The following PEX10 variants were observed in gnomAD, a reference collection of about 807,000 sequenced individuals.
PEX10 encodes peroxisomal biogenesis factor 10.
PEX10 carries 32 observed loss-of-function variants against 38.0 expected under a neutral mutation model. The ratio of observed to expected loss-of-function variants is 0.84; its 90% CI spans 0.63 to 1.13. PEX10 has a LOEUF of 1.13. Among genes scored for constraint, PEX10 ranks in the 50% most tolerant of loss-of-function variants. The pLI is 0.00. For synonymous variants in PEX10, 206 were observed against 207.3 expected (o/e 0.99, Z 0.05); for missense variants, 483 against 457.7 (o/e 1.06, Z -0.51).
rs1008513977 is a variant in PEX10, at chr1:2,405,677, C to T, written c.*89G>A. The T allele has an allele frequency of 1.7e-6, 2 of 1,173,956 alleles. No individual in the cohort carries two copies. The highest frequency in any genetic ancestry group is 2.5e-6 in the Non-Finnish European group (2 of 805,842). 72.7% of individuals were successfully genotyped at this position (1,173,956 alleles called of 1,614,324 possible). On this transcript the variant is annotated 3_prime_UTR_variant, in exon 6 of 6. Coordinates refer to ENST00000447513, the MANE Select transcript of PEX10 (RefSeq NM_002617.4). The stretch of plus-strand genomic sequence containing the variant: ...CAAAAAACTGAGAGTGTTCTAACTT[C>T]TGTGCAAGCAAGGTTAATCCTGAGA...
intron 5 of PEX10, among the ~76,000 whole-genome samples, chr1:2,406,266 T>C (rs1303262289): frequency 6.6e-6 from 1 of 152,194 alleles, no homozygotes; most frequent in Admixed American, 6.5e-5. Flanking sequence ...TACCCCAACC[T>C]GCATTCGGCA....
rs77098501 is a variant in PEX10, at chr1:2,411,534, CT to C, written c.112+856del. 8.2e-5 allele frequency among the ~76,000 whole-genome samples: 12 copies of C among 146,320 alleles called. No individual in the cohort carries two copies. In the South Asian group the frequency reaches 8.7e-4, roughly 11 times the overall value. ...AGGCGTGAGCCACCACACCCGGCATCTTTTTTTTTTCGTTTTTTAATCGGTG... is the reference window on the plus strand; with the variant it reads ...AGGCGTGAGCCACCACACCCGGCATCTTTTTTTTTCGTTTTTTAATCGGTG... On this transcript the variant is annotated intron_variant, in intron 1 of 5. Transcript: ENST00000447513.
chr1:2,410,725 G>C lies in PEX10; in HGVS notation c.113-274C>G, dbSNP rs776183397. Reference sequence around the variant, plus strand: ...TGAGCAACTGTTCTAGGGCCTATGAGGGCCACATGGAAAGATGGTCTGGGG... The same window carrying C: ...TGAGCAACTGTTCTAGGGCCTATGACGGCCACATGGAAAGATGGTCTGGGG... On this transcript the variant is annotated intron_variant, in intron 1 of 5. Coordinates refer to ENST00000447513, the MANE Select transcript of PEX10 (RefSeq NM_002617.4). The surrounding 1 kb of genome is among the most constrained non-coding windows in gnomAD (Gnocchi z 5.1). 3 of 550,662 alleles carry C rather than the reference G, an allele frequency of 5.4e-6. No individual in the cohort carries two copies. Among genetic ancestry groups the C allele is most frequent in the South Asian group, 4.6e-5 (3 of 65,394 alleles). 34.1% of individuals were successfully genotyped at this position (550,662 alleles called of 1,614,324 possible).
Position 2,406,785 on chromosome 1 carries a change from G to A in PEX10, c.711C>T (p.Tyr237=), listed in dbSNP as rs761005209. The change falls in exon 4 of 6, where the codon TAC becomes TAT. Residue 237 remains tyrosine, a synonymous_variant. Transcript: ENST00000447513. ...HLVLSMGLQL[Y]GFRQRQRARK... is the part of the protein sequence containing the mutation. The stretch of plus-strand genomic sequence containing the variant: ...TGGCTCGCTGCCGCTGCCTGAAACC[G>A]TACAGCTGCAGCCCCATGGACAGCA... 44 of 1,610,332 alleles carry A rather than the reference G, an allele frequency of 2.7e-5. No individual in the cohort carries two copies. Among genetic ancestry groups the A allele is most frequent in the Middle Eastern group, 1.6e-4 (1 of 6,078 alleles).
chr1:2,412,748 G>A (rs949231886), upstream of PEX10, among the ~76,000 whole-genome samples: 1 of 151,446 alleles, frequency 6.6e-6, no homozygotes, highest in Non-Finnish European at 1.5e-5. Flanking sequence ...GCGGAGCGGA[G>A]CGGGGCGGGG....
At position 2,410,661 on chromosome 1, in the gene PEX10, A is replaced by G; in HGVS notation, c.113-210T>C. On this transcript the variant is annotated intron_variant, in intron 1 of 5. Coordinates refer to ENST00000447513, the MANE Select transcript of PEX10 (RefSeq NM_002617.4). The surrounding 1 kb of genome is among the most constrained non-coding windows in gnomAD (Gnocchi z 5.1). Reference sequence around the variant, plus strand: ...GTGAGCTGCAGACAGTCTGCGAAGAATCTCCCACCTGTGCTCATCTCTTGC... The same window carrying G: ...GTGAGCTGCAGACAGTCTGCGAAGAGTCTCCCACCTGTGCTCATCTCTTGC... 4 of 624,758 alleles carry G rather than the reference A, an allele frequency of 6.4e-6. No homozygotes were observed. Among genetic ancestry groups the G allele is most frequent in the South Asian group, 1.5e-5 (1 of 64,974 alleles). 38.7% of individuals were successfully genotyped at this position (624,758 alleles called of 1,614,324 possible).
chr1:2,408,714 AG>A lies in PEX10; in HGVS notation c.337del (p.Leu113TrpfsTer40), dbSNP rs724159999. ...GGGGTCAGCCTGCAGCTCCTGCTCCAGGGGGAGCAGGGCCTTGTCCAGCAGG... is the reference window on the plus strand; with the variant it reads ...GGGGTCAGCCTGCAGCTCCTGCTCCAGGGGAGCAGGGCCTTGTCCAGCAGG... ...PYLLDKALLP[L>X]EQELQADPDS... is the part of the protein sequence containing the mutation. On this transcript the variant is annotated frameshift_variant, in exon 3 of 6. Coordinates refer to ENST00000447513, the MANE Select transcript of PEX10 (RefSeq NM_002617.4). LOFTEE classifies it high-confidence loss of function. 1.2e-6 allele frequency: 2 copies of A among 1,613,634 alleles called. No individual in the cohort carries two copies. Among genetic ancestry groups the A allele is most frequent in the Non-Finnish European group, 1.7e-6 (2 of 1,179,866 alleles).
intron 2 of PEX10, 35 bp from the exon 3 acceptor site, chr1:2,408,893 A>G: frequency 6.2e-7 from 1 of 1,608,378 alleles, no homozygotes; most frequent in South Asian, 1.1e-5. Context: ...GGACCCTGAG[A>G]CTGCTGCCGC....
rs776096476 is a variant in PEX10, at chr1:2,406,925, G to A, written c.601-30C>T. On this transcript the variant is annotated intron_variant, in intron 3 of 5. Coordinates refer to ENST00000447513, the MANE Select transcript of PEX10 (RefSeq NM_002617.4). ...AAGGCAGATGGCGCCACACTCATCA[G>A]GACCCTGAGGGGATCTGGCCTCAGC... The A allele has an allele frequency of 1.2e-6, 2 of 1,600,146 alleles. No homozygotes were observed. The highest frequency in any genetic ancestry group is 4.5e-5 in the East Asian group (2 of 44,016).
chr1:2,405,490 T>TC lies in PEX10; in HGVS notation c.*275dup. ...TTGGGGAAGGGAGGGAAACCTAAAA[T>TC]CCCGTCCAAATAAGTGAAATTCCTG... On this transcript the variant is annotated 3_prime_UTR_variant, in exon 6 of 6. Transcript: ENST00000447513. 1 of 574,382 alleles carries TC rather than the reference T, an allele frequency of 1.7e-6. No homozygotes were observed. The highest frequency in any genetic ancestry group is 1.9e-5 in the African/African-American group (1 of 53,780). The allele number at this position is 574,382 out of a possible 1,614,324, so 35.6% of individuals were successfully genotyped here.
At chr1:2,406,388 T>C (rs1037184563) in intron 5 of PEX10, 96 bp downstream of exon 5, 67 of 1,514,746 alleles carry the variant, frequency 4.4e-5, no homozygotes, top group Non-Finnish European at 5.7e-5. Context: ...AACTGGAGGG[T>C]GCTCAGAGCC....
chr1:2,408,820 G>A lies in PEX10; in HGVS notation c.232C>T (p.Gln78Ter). ...ACATGTATCCGCGATGGGTCCACCTGGATGATGCTGACGTACTCCTCCCCC... is the reference window on the plus strand; with the variant it reads ...ACATGTATCCGCGATGGGTCCACCTAGATGATGCTGACGTACTCCTCCCCC... Reference protein sequence around the residue: ...TLGEEYVSIIQVDPSRIHVPS... With the variant: ...TLGEEYVSII The change falls in exon 3 of 6, where the codon CAG becomes TAG. Residue 78 changes from glutamine (Q) to a stop codon, truncating the protein, a stop_gained. Transcript: ENST00000447513. LOFTEE classifies it high-confidence loss of function. 1 of 1,614,096 alleles carries A rather than the reference G, an allele frequency of 6.2e-7. No homozygotes were observed. Among genetic ancestry groups the A allele is most frequent in the Non-Finnish European group, 8.5e-7 (1 of 1,179,968 alleles).
Position 2,405,280 on chromosome 1 carries a change from G to T in PEX10, c.*486C>A, listed in dbSNP as rs1027326081. The T allele has an allele frequency of 1.4e-5, 4 of 292,712 alleles. No homozygotes were observed. Among genetic ancestry groups the T allele is most frequent in the South Asian group, 1.2e-4 (4 of 32,054 alleles). The allele number at this position is 292,712 out of a possible 1,614,324, so 18.1% of individuals were successfully genotyped here. ...GGAGAGCAGCGCCGCCTCCCATGGGGCCGTGGGGCTGCTGTTCTCACTGCA... is the reference window on the plus strand; with the variant it reads ...GGAGAGCAGCGCCGCCTCCCATGGGTCCGTGGGGCTGCTGTTCTCACTGCA... On this transcript the variant is annotated 3_prime_UTR_variant, in exon 6 of 6. Transcript: ENST00000447513.
Position 2,410,491 on chromosome 1 carries a change from G to C in PEX10, c.113-40C>G, listed in dbSNP as rs747287376. ...AGTATTAGTCCGGGGGAGCTGGTGG[G>C]CATCCTCTGAGGATGAGGGACCACA... On this transcript the variant is annotated intron_variant, in intron 1 of 5. Coordinates refer to ENST00000447513, the MANE Select transcript of PEX10 (RefSeq NM_002617.4). The surrounding 1 kb of genome is among the most constrained non-coding windows in gnomAD (Gnocchi z 5.1). The C allele has an allele frequency of 6.3e-7, 1 of 1,581,374 alleles. No individual in the cohort carries two copies. Among genetic ancestry groups the C allele is most frequent in the Non-Finnish European group, 8.7e-7 (1 of 1,153,136 alleles).
rs1643157439 is a variant in PEX10, at chr1:2,410,605, C to T, written c.113-154G>A. The T allele has an allele frequency of 1.4e-6, 1 of 699,926 alleles. No homozygotes were observed. Among genetic ancestry groups the T allele is most frequent in the Non-Finnish European group, 2.6e-6 (1 of 391,428 alleles). The allele number at this position is 699,926 out of a possible 1,614,324, so 43.4% of individuals were successfully genotyped here. A position where few individuals can be genotyped will look rare whatever the true frequency, so the allele number is the denominator to read the frequency against. On this transcript the variant is annotated intron_variant, in intron 1 of 5. Coordinates refer to ENST00000447513, the MANE Select transcript of PEX10 (RefSeq NM_002617.4). This position sits in a 1 kb window ranked among gnomAD's most constrained non-coding sequence, Gnocchi z 5.1. ...CCCTGGCCTCCCTCTCTGCTTCTGT[C>T]TCCGGAGGCACCACCTTGACTTGCC...
At position 2,405,407 on chromosome 1, in the gene PEX10, A is replaced by C. The variant is rs1642965667; in HGVS notation, c.*359T>G. 1 of 404,972 alleles carries C rather than the reference A, an allele frequency of 2.5e-6. No homozygotes were observed. Among genetic ancestry groups the C allele is most frequent in the Non-Finnish European group, 4.7e-6 (1 of 212,630 alleles). The allele number at this position is 404,972 out of a possible 1,614,324, so 25.1% of individuals were successfully genotyped here. On this transcript the variant is annotated 3_prime_UTR_variant, in exon 6 of 6. Coordinates refer to ENST00000447513, the MANE Select transcript of PEX10 (RefSeq NM_002617.4). ...AGCCTGATGGGGCTGTTTTCTCACA[A>C]TATAAACGAATAAAGTGTCTTCTGG... is the stretch of plus-strand genomic sequence containing the variant.
In PEX10 at chr1:2,412,446, C is replaced by G. The variant is rs912609098; in HGVS notation, c.57G>C (p.Glu19Asp). 1 of 1,429,666 alleles carries G rather than the reference C, an allele frequency of 7.0e-7. No homozygotes were observed. The highest frequency in any genetic ancestry group is 9.1e-7 in the Non-Finnish European group (1 of 1,095,616). 88.6% of individuals were successfully genotyped at this position (1,429,666 alleles called of 1,614,324 possible). A position where few individuals can be genotyped will look rare whatever the true frequency, so the allele number is the denominator to read the frequency against. The change falls in exon 1 of 6, where the codon GAG becomes GAC. Residue 19 changes from glutamate to aspartate, a missense_variant. Transcript: ENST00000447513. ...PEVIRAAQKD[E>D]YYRGGLRSAA... ...CGCTCCGCAGCCCACCGCGGTAGTA[C>G]TCGTCCTTCTGCGCCGCGCGGATCA...
chr1:2,411,363 G>A (rs149985150), intron 1 of PEX10, among the ~76,000 whole-genome samples: 61 of 151,000 alleles, frequency 4.0e-4, no homozygotes, highest in African/African-American at 1.4e-3. Context: ...CTCCCAAGTA[G>A]CTGGGATTAC....
At chr1:2,408,896 G>C (rs1643098428) in intron 2 of PEX10, 38 bp from the exon 3 acceptor site, 1 of 1,604,832 alleles carries the variant, frequency 6.2e-7, no homozygotes, top group East Asian at 2.2e-5. Flanking sequence ...CCCTGAGACT[G>C]CTGCCGCGGG....
Sources: gnomAD v4.1 joint callset for allele counts (sites outside exome capture counted in the v4.1 genomes callset) on GRCh38, gnomAD v4.1.1 for gene constraint, Gnocchi (gnomAD v3.1) non-coding constraint, MANE v1.5 for transcripts, NCBI Gene and HGNC (gene_info 2026-07-23, HGNC 2026-07-21) for gene names.